The following NEBL variants were observed in gnomAD, a reference collection of about 807,000 sequenced individuals.
NEBL encodes LIM and SH3 protein 2.
Under a neutral mutation model 140.2 loss-of-function variants are expected in NEBL, and 122 were observed. The observed-to-expected ratio is 0.87, with a 90% CI of 0.75 to 1.01. The LOEUF (loss-of-function observed/expected upper bound fraction) is 1.01. NEBL is among the 50% of genes least tolerant of loss of function. The probability of loss-of-function intolerance (pLI) is 0.00; values close to 1 mark genes in which losing one functional copy is unlikely to be tolerated. For missense variants in NEBL, 1,365 were observed against 1,231.3 expected (o/e 1.11, Z -1.62); for synonymous variants, 436 against 398.9 (o/e 1.09, Z -1.11).
At chr10:21,288,566 G>A (rs913569282) in intron 1 of NEBL, among the ~76,000 whole-genome samples, 17 of 151,236 alleles carry the variant, frequency 1.1e-4, no homozygotes, top group Admixed American at 3.3e-4. Context: ...TTCAGGACCA[G>A]CCTGGCCAAA....
chr10:20,881,460 GAATTTCCTCC>G (rs1158919977), intron 4 of NEBL, among the ~76,000 whole-genome samples: 1 of 152,144 alleles, frequency 6.6e-6, no homozygotes, highest in African/African-American at 2.4e-5. Context: ...CCACCATGTT[GAATTTCCTCC>G]ATACTAGGAT....
intron 3 of NEBL, among the ~76,000 whole-genome samples, chr10:21,196,320 T>TATTG (rs1841649320): frequency 7.2e-6 from 1 of 138,364 alleles, no homozygotes; most frequent in East Asian, 2.0e-4. Flanking sequence ...TATTTTTATT[T>TATTG]ATTTATTTAT....
At chr10:20,938,463 G>A (rs537995914) in intron 4 of NEBL, among the ~76,000 whole-genome samples, 1 of 152,204 alleles carries the variant, frequency 6.6e-6, no homozygotes, top group South Asian at 2.1e-4. Context: ...AAAGACCAAA[G>A]GTAGATAAAA....
intron 26 of NEBL, among the ~76,000 whole-genome samples, chr10:20,803,572 C>G (rs1837326434): frequency 6.6e-6 from 1 of 151,946 alleles, no homozygotes; most frequent in Non-Finnish European, 1.5e-5. Context: ...ATAAACATTT[C>G]TTCATCTTAC....
intron 3 of NEBL, among the ~76,000 whole-genome samples, chr10:21,236,133 T>C (rs1226675673): frequency 6.6e-6 from 1 of 152,186 alleles, no homozygotes; most frequent in Non-Finnish European, 1.5e-5. Flanking sequence ...CAGTAATTCT[T>C]TCTACAGGTG....
chr10:21,276,359 T>C (rs1212714681), intron 1 of NEBL, among the ~76,000 whole-genome samples: 1 of 152,182 alleles, frequency 6.6e-6, no homozygotes, highest in East Asian at 1.9e-4. Flanking sequence ...ACCCACACCT[T>C]GGGCTTCATC....
At chr10:21,022,200 A>G (rs1345154272) in intron 2 of NEBL, among the ~76,000 whole-genome samples, 1 of 152,136 alleles carries the variant, frequency 6.6e-6, no homozygotes, top group East Asian at 1.9e-4. Context: ...CTGCTCCTCA[A>G]AGAACATCCT....
chr10:21,076,393 C>T (rs143427770), intron 2 of NEBL, among the ~76,000 whole-genome samples: 247 of 129,626 alleles, frequency 1.9e-3, no homozygotes, highest in African/African-American at 7.2e-3. Flanking sequence ...TGCAGTGAGC[C>T]GAGATCGTGC....
intron 26 of NEBL, among the ~76,000 whole-genome samples, chr10:20,805,975 TG>T (rs1837581272): frequency 1.3e-5 from 2 of 152,150 alleles, no homozygotes; most frequent in Non-Finnish European, 2.9e-5. Flanking sequence ...AAAAAAAATA[TG>T]ATTATTCCCT....
chr10:20,970,430 G>A (rs1438736300), intron 3 of NEBL, among the ~76,000 whole-genome samples: 1 of 152,086 alleles, frequency 6.6e-6, no homozygotes, highest in African/African-American at 2.4e-5. Context: ...CTTGAGCCCA[G>A]GAGTTCAAGA....
intron 3 of NEBL, among the ~76,000 whole-genome samples, chr10:21,211,893 G>T (rs758389765): frequency 1.3e-5 from 2 of 152,072 alleles, no homozygotes; most frequent in African/African-American, 2.4e-5. Context: ...TCATGCTGAG[G>T]TCAGAAATCT....
At chr10:20,843,219 T>C (rs74120697) in intron 12 of NEBL, among the ~76,000 whole-genome samples, 2,678 of 152,134 alleles carry the variant, frequency 0.018, 93 homozygotes, top group African/African-American at 0.061. Flanking sequence ...CAAAGGTGTC[T>C]GCAAGCCGGT....
rs758747696 is a variant in NEBL, at chr10:20,787,325, C to T, written c.2762-17G>A. On this transcript the variant is annotated splice_polypyrimidine_tract_variant and intron_variant, in intron 26 of 27. Transcript: ENST00000377122. ...GAACAGGTGCTGCATGTTAAACATACACACACACAAAGATTCCTTAAAGTT... is the reference window on the plus strand; with the variant it reads ...GAACAGGTGCTGCATGTTAAACATATACACACACAAAGATTCCTTAAAGTT... 1 of 1,576,408 alleles carries T rather than the reference C, an allele frequency of 6.3e-7. No individual in the cohort carries two copies. Among genetic ancestry groups the T allele is most frequent in the Non-Finnish European group, 8.7e-7 (1 of 1,147,900 alleles).
chr10:21,039,397 T>G (rs978996093), intron 2 of NEBL, among the ~76,000 whole-genome samples: 1 of 152,200 alleles, frequency 6.6e-6, no homozygotes, highest in Non-Finnish European at 1.5e-5. Context: ...TGAGTTAATA[T>G]TTGTATAAGG....
At chr10:20,907,239 T>C (rs971625940) in intron 4 of NEBL, among the ~76,000 whole-genome samples, 2 of 152,198 alleles carry the variant, frequency 1.3e-5, no homozygotes, top group Admixed American at 1.3e-4. Flanking sequence ...TTTCCAGACC[T>C]GTCTAAATAA....
chr10:21,180,194 T>G (rs1256416949), intron 3 of NEBL, among the ~76,000 whole-genome samples: 3 of 152,022 alleles, frequency 2.0e-5, no homozygotes, highest in African/African-American at 4.8e-5. Flanking sequence ...CCGAGCCTCC[T>G]GAAGGAACAT....
At chr10:21,199,132 C>A (rs1216193778) in intron 3 of NEBL, among the ~76,000 whole-genome samples, 1 of 151,828 alleles carries the variant, frequency 6.6e-6, no homozygotes, top group African/African-American at 2.4e-5. Context: ...TCAAGCAATC[C>A]TCCCACCTCA....
chr10:20,868,671 G>A lies in NEBL; in HGVS notation c.677C>T (p.Ser226Phe). ...TCATCACTAAAGCCTTACTTGACTAGAAAGTTTAGAAGCTTCCACGGCATG... is the reference window on the plus strand; with the variant it reads ...TCATCACTAAAGCCTTACTTGACTAAAAAGTTTAGAAGCTTCCACGGCATG... ...FEHAVEASKL[S>F]SQIKYKEKFD... The change falls in exon 7 of 28, where the codon TCT (serine) becomes TTT (phenylalanine). Residue 226 changes from serine (S) to phenylalanine (F), a missense_variant. Coordinates refer to ENST00000377122, the MANE Select transcript of NEBL (RefSeq NM_006393.3). 6.2e-7 allele frequency: 1 copy of A among 1,603,422 alleles called. No homozygotes were observed. The highest frequency in any genetic ancestry group is 2.2e-5 in the East Asian group (1 of 44,706).
At chr10:20,843,153 C>G (rs1841553387) in intron 12 of NEBL, among the ~76,000 whole-genome samples, 1 of 152,028 alleles carries the variant, frequency 6.6e-6, no homozygotes, top group African/African-American at 2.4e-5. Flanking sequence ...AGATTAATAT[C>G]TCTAAAGGAA....
Sources: allele counts gnomAD v4.1 joint callset (sites outside exome capture counted in the v4.1 genomes callset), GRCh38; gene constraint gnomAD v4.1.1; transcripts MANE v1.5; gene names NCBI Gene and HGNC (gene_info 2026-07-23, HGNC 2026-07-21).